Variants in POU6F2 observed in about 807,000 individuals in gnomAD.
The protein encoded by POU6F2 is POU class 6 homeobox 2.
In POU6F2, 31 loss-of-function variants were observed where a neutral mutation model predicts 71.3. The observed-to-expected ratio is 0.43, with a 90% CI of 0.33 to 0.59. The LOEUF is 0.59. Among genes scored for constraint, POU6F2 ranks in the 20% least tolerant of loss-of-function variants. The pLI is 0.04. For synonymous variants in POU6F2, 347 were observed against 355.7 expected (o/e 0.98, Z 0.27); for missense variants, 783 against 856.8 (o/e 0.91, Z 1.07).
chr7:39,137,305 A>G (rs1374953442), intron 2 of POU6F2, among the ~76,000 whole-genome samples: 1 of 152,228 alleles, frequency 6.6e-6, no homozygotes, highest in African/African-American at 2.4e-5. Flanking sequence ...TTAAGAAGCC[A>G]GGTACACACA....
chr7:39,406,523 C>A (rs1030573933), intron 5 of POU6F2, 77 bp from the exon 6 acceptor site: 3 of 1,536,054 alleles, frequency 2.0e-6, no homozygotes, highest in Non-Finnish European at 2.6e-6. Flanking sequence ...AACTACCTCC[C>A]CAGAGTCAAT....
intron 7 of POU6F2, among the ~76,000 whole-genome samples, chr7:39,436,659 GT>G (rs1250416798): frequency 6.6e-6 from 1 of 152,142 alleles, no homozygotes; most frequent in Admixed American, 6.5e-5. Flanking sequence ...CCAATACTAT[GT>G]TGAATAGGAG....
chr7:39,218,505 A>G (rs1479271971), intron 4 of POU6F2, among the ~76,000 whole-genome samples: 6 of 152,132 alleles, frequency 3.9e-5, no homozygotes, highest in South Asian at 4.1e-4. Context: ...GGTCACAGCT[A>G]TTATTTCTCA....
At chr7:39,342,713 G>C (rs1449004699) in intron 5 of POU6F2, among the ~76,000 whole-genome samples, 2 of 152,016 alleles carry the variant, frequency 1.3e-5, no homozygotes, top group Admixed American at 1.3e-4. Context: ...TTTGGGTGAG[G>C]TCATTTCCTG....
At chr7:39,005,516 T>TGTGTGTGTGTGTGTGTGTGTGTGTGTG (rs1789037629) in intron 1 of POU6F2, among the ~76,000 whole-genome samples, 8 of 28,326 alleles carry the variant, frequency 2.8e-4, no homozygotes, top group South Asian at 1.4e-3. Context: ...GTGTGTGTGT[T>TGTGTGTGTGTGTGTGTGTGTGTGTGTG]TATGTTGTGT....
At chr7:39,418,523 C>G (rs1278082585) in intron 6 of POU6F2, among the ~76,000 whole-genome samples, 2 of 151,952 alleles carry the variant, frequency 1.3e-5, no homozygotes, top group Admixed American at 1.3e-4. Flanking sequence ...AACCATGTCT[C>G]TACTAGAAAC....
At chr7:38,998,838 T>TTTTTTTTTTTG (rs869182741) in intron 1 of POU6F2, among the ~76,000 whole-genome samples, 10 of 141,326 alleles carry the variant, frequency 7.1e-5, no homozygotes, top group Admixed American at 1.4e-4. Flanking sequence ...TTTTTTTTTT[T>TTTTTTTTTTTG]TATTTTCAGT....
chr7:38,980,707 T>G (rs563602363), intron 1 of POU6F2, among the ~76,000 whole-genome samples: 1 of 149,470 alleles, frequency 6.7e-6, no homozygotes, highest in East Asian at 2.0e-4. Context: ...TATTTTTGTC[T>G]TTTTTTTTTC....
intron 4 of POU6F2, among the ~76,000 whole-genome samples, chr7:39,289,131 T>G (rs1784701750): frequency 6.6e-6 from 1 of 152,082 alleles, no homozygotes; most frequent in African/African-American, 2.4e-5. Flanking sequence ...CATGAACCCC[T>G]CCTCATTGGT....
chr7:39,005,041 A>G (rs1562664367), intron 1 of POU6F2: 1 of 152,208 alleles, frequency 6.6e-6, no homozygotes, highest in Non-Finnish European at 1.5e-5. Context: ...AACAAACCCT[A>G]TAAGGTAATT....
intron 2 of POU6F2, among the ~76,000 whole-genome samples, chr7:39,192,377 G>C (rs543623593): frequency 1.1e-4 from 16 of 152,128 alleles, no homozygotes; most frequent in Admixed American, 3.3e-4. Context: ...TGGTGCTTTG[G>C]CTACTTTTGT....
In POU6F2 at chr7:39,207,640, C is replaced by G. The variant is rs375043596; in HGVS notation, c.598+20C>G. ...TACAAGGTAATCCATAATGTCCATG[C>G]GCCACGTAAGGCTCTACCCGTTGGC... On this transcript the variant is annotated intron_variant, in intron 4 of 9. Coordinates refer to ENST00000518318, the MANE Select transcript of POU6F2 (RefSeq NM_001370959.1). 1 of 1,600,948 alleles carries G rather than the reference C, an allele frequency of 6.2e-7. No homozygotes were observed. The highest frequency in any genetic ancestry group is 8.5e-7 in the Non-Finnish European group (1 of 1,171,536).
rs147965753 is a variant in POU6F2 at position 39,225,250 on chromosome 7, T to G, written c.598+17630T>G. ...GTGCAGTGGTGCCATCTTGGCTCAC[T>G]TCAACCTCTGCCTCCTGGGTTCAAG... On this transcript the variant is annotated intron_variant, in intron 4 of 9. Transcript: ENST00000518318. Among the ~76,000 whole-genome samples the G allele has an allele frequency of 5.7e-4, 87 of 152,296 alleles. 3 individuals carry two copies. The East Asian group carries it at 0.016, about 27-fold the overall frequency.
chr7:39,464,621 C>T lies in POU6F2; in HGVS notation c.2098C>T (p.Gln700Ter). ...GAAGAACACAATTAAACGCTTAAAA[C>T]AGCACGAGCCGGCCACGGCAGTCCC... ...ALKNTIKRLKQHEPATAVPLE... is the reference protein window; with the variant it reads ...ALKNTIKRLK Residue 700 changes from glutamine to a stop codon, truncating the protein, a stop_gained, in exon 10 of 10, where the codon CAG (glutamine) becomes TAG (stop). Coordinates refer to ENST00000518318, the MANE Select transcript of POU6F2 (RefSeq NM_001370959.1). LOFTEE classifies it high-confidence loss of function. This position sits in a 1 kb window ranked among gnomAD's most constrained non-coding sequence, Gnocchi z 4.1. 6.2e-7 allele frequency: 1 copy of T among 1,609,072 alleles called. No homozygotes were observed. Among genetic ancestry groups the T allele is most frequent in the Admixed American group, 1.7e-5 (1 of 59,324 alleles).
At chr7:39,181,267 C>T (rs1428203075) in intron 2 of POU6F2, among the ~76,000 whole-genome samples, 1 of 152,132 alleles carries the variant, frequency 6.6e-6, no homozygotes, top group African/African-American at 2.4e-5. Context: ...GAACCTTGCT[C>T]CTCTCTGATA....
At chr7:39,345,698 T>C (rs958184633) in intron 5 of POU6F2, among the ~76,000 whole-genome samples, 1 of 152,170 alleles carries the variant, frequency 6.6e-6, no homozygotes, top group Non-Finnish European at 1.5e-5. Context: ...CTGAGGACCT[T>C]TGGAAAACTG....
chr7:39,381,067 T>G (rs557622616), intron 5 of POU6F2, among the ~76,000 whole-genome samples: 2 of 152,266 alleles, frequency 1.3e-5, no homozygotes, highest in South Asian at 4.1e-4. Context: ...GTTTTTTGTT[T>G]TTGTTTTTGA....
intron 7 of POU6F2, among the ~76,000 whole-genome samples, chr7:39,444,322 G>T (rs1401070754): frequency 1.3e-5 from 2 of 152,170 alleles, no homozygotes; most frequent in African/African-American, 2.4e-5. Context: ...AGTGGCTCGC[G>T]CCTATAATCC....
In POU6F2 at chr7:39,213,263, A is replaced by G. The variant is rs567041025; in HGVS notation, c.598+5643A>G. Among the ~76,000 whole-genome samples, 3 of 152,242 alleles carry G rather than the reference A, an allele frequency of 2.0e-5. No homozygotes were observed. In the South Asian group the frequency reaches 6.2e-4, roughly 32 times the overall value. ...GCCAAGGATGGTTTTTCTTCCCTTC[A>G]CTCTAGCAGGAAACCTGCCCCGGTT... On this transcript the variant is annotated intron_variant, in intron 4 of 9. Transcript: ENST00000518318.
Sources: gnomAD v4.1 joint callset for allele counts (sites outside exome capture counted in the v4.1 genomes callset) on GRCh38, gnomAD v4.1.1 for gene constraint, Gnocchi (gnomAD v3.1) non-coding constraint, MANE v1.5 for transcripts, NCBI Gene and HGNC (gene_info 2026-07-23, HGNC 2026-07-21) for gene names.